The following MAP3K3 variants were observed in gnomAD, a reference collection of about 807,000 sequenced individuals.
MAP3K3 encodes mitogen-activated protein kinase kinase kinase 3, also known as MAP/ERK kinase kinase 3.
A neutral mutation model predicts 80.9 loss-of-function variants in MAP3K3; 12 were observed. The ratio of observed to expected loss-of-function variants is 0.15; its 90% CI spans 0.10 to 0.24. The LOEUF is 0.24. Among genes scored for constraint, MAP3K3 ranks in the 10% least tolerant of loss-of-function variants. MAP3K3 has a pLI of 1.00. For synonymous variants in MAP3K3, 272 were observed against 307.1 expected (o/e 0.89, Z 1.19); for missense variants, 596 against 834.7 (o/e 0.71, Z 3.52).
intron 2 of MAP3K3, among the ~76,000 whole-genome samples, chr17:63,641,567 A>G (rs2034444373): frequency 6.6e-6 from 1 of 152,116 alleles, no homozygotes; most frequent in Non-Finnish European, 1.5e-5. Flanking sequence ...CAAAAACTGC[A>G]ATTACTTTTG....
At position 63,689,528 on chromosome 17, in the gene MAP3K3, C is replaced by G; in HGVS notation, c.872-16C>G. 4 of 1,607,608 alleles carry G rather than the reference C, an allele frequency of 2.5e-6. No individual in the cohort carries two copies. Among genetic ancestry groups the G allele is most frequent in the South Asian group, 1.1e-5 (1 of 89,942 alleles). ...GGGGTGTGACTTGCTCTCCTCTGGC[C>G]CTTGCACCCTTTCAGGCAGAAGAAC... On this transcript the variant is annotated splice_polypyrimidine_tract_variant and intron_variant, in intron 10 of 15. Coordinates refer to ENST00000361733, the MANE Select transcript of MAP3K3 (RefSeq NM_002401.5). The surrounding 1 kb of genome is among the most constrained non-coding windows in gnomAD (Gnocchi z 4.3).
Position 63,692,134 on chromosome 17 carries a change from A to G in MAP3K3, c.1475-108A>G. 7.8e-7 allele frequency: 1 copy of G among 1,281,782 alleles called. No individual in the cohort carries two copies. 79.4% of individuals were successfully genotyped at this position (1,281,782 alleles called of 1,614,324 possible). The stretch of plus-strand genomic sequence containing the variant: ...GCCCTTTGCAGTTCATGTCTAATTC[A>G]GTGGTAGCCCTGCCCTCTCCAGCAG... On this transcript the variant is annotated intron_variant, in intron 14 of 15. Transcript: ENST00000361733. This position sits in a 1 kb window ranked among gnomAD's most constrained non-coding sequence, Gnocchi z 4.5.
chr17:63,631,546 C>A (rs186301689), intron 1 of MAP3K3, among the ~76,000 whole-genome samples: 1 of 152,252 alleles, frequency 6.6e-6, no homozygotes, highest in East Asian at 1.9e-4. Flanking sequence ...CCTTCACGAT[C>A]AACAGATTTA....
At chr17:63,643,380 G>A (rs1160214147) in intron 2 of MAP3K3, among the ~76,000 whole-genome samples, 1 of 151,980 alleles carries the variant, frequency 6.6e-6, no homozygotes, top group Non-Finnish European at 1.5e-5. Context: ...ACATGTGCCT[G>A]TTTGTAGTCC....
At chr17:63,635,630 G>A (rs767608393) in intron 2 of MAP3K3, among the ~76,000 whole-genome samples, 3 of 152,114 alleles carry the variant, frequency 2.0e-5, no homozygotes, top group Non-Finnish European at 2.9e-5. Context: ...TTGGGGAGAG[G>A]TATTTATAGC....
At position 63,693,679 on chromosome 17, in the gene MAP3K3, C is replaced by T; in HGVS notation, c.1783C>T (p.His595Tyr). The change falls in exon 16 of 16, where the codon CAT becomes TAT. Residue 595 changes from histidine to tyrosine, a missense_variant. Transcript: ENST00000361733. The surrounding 1 kb of genome is among the most constrained non-coding windows in gnomAD (Gnocchi z 4.2). The stretch of plus-strand genomic sequence containing the variant: ...TCAGCTGCCCTCCCACATCTCTGAA[C>T]ATGGCCGGGACTTCCTGAGGCGCAT... The part of the protein sequence containing the change: ...NPQLPSHISE[H>Y]GRDFLRRIFV... 1 of 1,609,246 alleles carries T rather than the reference C, an allele frequency of 6.2e-7. No homozygotes were observed. Among genetic ancestry groups the T allele is most frequent in the Non-Finnish European group, 8.5e-7 (1 of 1,177,452 alleles).
At chr17:63,648,029 G>A (rs1305755888) in intron 3 of MAP3K3, among the ~76,000 whole-genome samples, 1 of 152,202 alleles carries the variant, frequency 6.6e-6, no homozygotes. Flanking sequence ...GGAGGGCTGG[G>A]GAGAAGGATT....
chr17:63,632,884 C>A, intron 2 of MAP3K3, 82 bp downstream of exon 2: 1 of 1,566,282 alleles, frequency 6.4e-7, no homozygotes, highest in Non-Finnish European at 8.7e-7. Flanking sequence ...GCCAAGGAGA[C>A]TACATTACCA....
In MAP3K3 at chr17:63,693,546, C is replaced by T. The variant is rs766298485; in HGVS notation, c.1653-3C>T. 2 of 1,599,274 alleles carry T rather than the reference C, an allele frequency of 1.3e-6. No homozygotes were observed. Among genetic ancestry groups the T allele is most frequent in the African/African-American group, 2.7e-5 (2 of 73,912 alleles). On this transcript the variant is annotated splice_polypyrimidine_tract_variant and splice_region_variant and intron_variant, in intron 15 of 15. Coordinates refer to ENST00000361733, the MANE Select transcript of MAP3K3 (RefSeq NM_002401.5). The surrounding 1 kb of genome is among the most constrained non-coding windows in gnomAD (Gnocchi z 4.2). ...GGGGTGACACGGGGTTCTCTCTTTC[C>T]AGGAGCCTGGGCTGCACTGTGGTGG... is the stretch of plus-strand genomic sequence containing the variant.
intron 5 of MAP3K3, among the ~76,000 whole-genome samples, chr17:63,661,976 G>A (rs577437306): frequency 1.3e-5 from 2 of 152,194 alleles, no homozygotes; most frequent in African/African-American, 4.8e-5. Context: ...GGTGGCAGGT[G>A]CCTGTAGTCC....
chr17:63,683,541 T>C (rs895563021), intron 7 of MAP3K3, among the ~76,000 whole-genome samples: 2 of 144,562 alleles, frequency 1.4e-5, no homozygotes, highest in African/African-American at 4.8e-5. Context: ...AGGATTTGAC[T>C]CCCAGTGAGG....
At chr17:63,656,417 A>G (rs1598087348) in intron 4 of MAP3K3, among the ~76,000 whole-genome samples, 1 of 151,730 alleles carries the variant, frequency 6.6e-6, no homozygotes, top group African/African-American at 2.4e-5. Context: ...AACCTGACCA[A>G]TATGGCAAAA....
intron 1 of MAP3K3, among the ~76,000 whole-genome samples, chr17:63,626,754 T>C (rs2034110679): frequency 6.6e-6 from 1 of 152,214 alleles, no homozygotes; most frequent in African/African-American, 2.4e-5. Context: ...AAAATCTGAC[T>C]CAGGGACACT....
intron 7 of MAP3K3, 36 bp from the exon 8 acceptor site, chr17:63,685,481 T>TG: frequency 6.4e-7 from 1 of 1,561,220 alleles, no homozygotes; most frequent in Non-Finnish European, 8.8e-7. Context: ...GAATTGGGGC[T>TG]GGGGGTGTGG....
intron 2 of MAP3K3, among the ~76,000 whole-genome samples, chr17:63,637,680 T>C (rs2034358212): frequency 1.3e-5 from 2 of 152,234 alleles, no homozygotes; most frequent in African/African-American, 4.8e-5. Flanking sequence ...TTTCTCTCTT[T>C]ATGGGATTAT....
intron 6 of MAP3K3, among the ~76,000 whole-genome samples, chr17:63,675,494 C>G (rs2035200102): frequency 6.6e-6 from 1 of 152,210 alleles, no homozygotes; most frequent in African/African-American, 2.4e-5. Context: ...TGTCGTTCAG[C>G]TTTAAGTCAG....
intron 2 of MAP3K3, among the ~76,000 whole-genome samples, chr17:63,645,774 GCATGTCACA>G (rs2034529448): frequency 1.1e-5 from 1 of 89,536 alleles, no homozygotes; most frequent in South Asian, 3.0e-4. Context: ...GCTAGAAACA[GCATGTCACA>G]GCATAGCAAC....
chr17:63,641,612 G>C (rs1447394905), intron 2 of MAP3K3, among the ~76,000 whole-genome samples: 1 of 152,152 alleles, frequency 6.6e-6, no homozygotes, highest in Non-Finnish European at 1.5e-5. Context: ...CAGCTAGGAA[G>C]TTGTAGAGCC....
At position 63,695,963 on chromosome 17, in the gene MAP3K3, G is replaced by A. The variant is rs1320894629; in HGVS notation, c.*2186G>A. The A allele has an allele frequency of 6.6e-6, 1 of 152,566 alleles. No individual in the cohort carries two copies. The allele number at this position is 152,566 out of a possible 1,614,324, so 9.5% of individuals were successfully genotyped here. Reference sequence around the variant, plus strand: ...ATAAAAAGTTGTGGGGCTTCAGGGTGACCTGGGCCCAAAGGTTCTGAAGGG... The same window carrying A: ...ATAAAAAGTTGTGGGGCTTCAGGGTAACCTGGGCCCAAAGGTTCTGAAGGG... On this transcript the variant is annotated 3_prime_UTR_variant, in exon 16 of 16. Transcript: ENST00000361733. The surrounding 1 kb of genome is among the most constrained non-coding windows in gnomAD (Gnocchi z 4.1).
Sources: allele counts gnomAD v4.1 joint callset (sites outside exome capture counted in the v4.1 genomes callset), GRCh38; gene constraint gnomAD v4.1.1; non-coding constraint Gnocchi (gnomAD v3.1); transcripts MANE v1.5; gene names NCBI Gene and HGNC (gene_info 2026-07-23, HGNC 2026-07-21).